ATXN1: variants seen among roughly 807,000 people sequenced by gnomAD.
The protein encoded by ATXN1 is ataxin 1.
A neutral mutation model predicts 56.4 loss-of-function variants in ATXN1; 8 were observed. The observed-to-expected ratio is 0.14, with a 90% CI of 0.08 to 0.26. The LOEUF (loss-of-function observed/expected upper bound fraction) is 0.26, where lower values mean the gene tolerates loss of function less well. Among genes scored for constraint, ATXN1 ranks in the 10% least tolerant of loss-of-function variants. The pLI, the probability that ATXN1 is intolerant of heterozygous loss-of-function variation, is 1.00. For missense variants in ATXN1, 987 were observed against 1,106.5 expected, an observed-to-expected ratio of 0.89 and a Z score of 1.53; for synonymous variants, 514 against 494.6, an observed-to-expected ratio of 1.04 and a Z score of -0.52.
At chr6:16,442,301 C>T (rs949309523) in intron 6 of ATXN1, among the ~76,000 whole-genome samples, 1 of 152,154 alleles carries the variant, frequency 6.6e-6, no homozygotes, top group African/African-American at 2.4e-5. Context: ...CCTTAGTAAT[C>T]TGCAAGGGAG....
At chr6:16,406,064 C>T (rs1581741118) in intron 6 of ATXN1, among the ~76,000 whole-genome samples, 1 of 152,188 alleles carries the variant, frequency 6.6e-6, no homozygotes, top group Admixed American at 6.5e-5. Flanking sequence ...ATTTCTCTTG[C>T]TTTCAATGCA....
At chr6:16,595,191 T>C (rs1416786866) in intron 3 of ATXN1, among the ~76,000 whole-genome samples, 1 of 152,168 alleles carries the variant, frequency 6.6e-6, no homozygotes. Flanking sequence ...GCTGATTAGA[T>C]GGGGGGAAGG....
At chr6:16,422,246 A>G (rs897390590) in intron 6 of ATXN1, among the ~76,000 whole-genome samples, 1 of 152,154 alleles carries the variant, frequency 6.6e-6, no homozygotes, top group Admixed American at 6.6e-5. Flanking sequence ...CGACACACTG[A>G]GCAAATGTTT....
In ATXN1 at chr6:16,554,199, A is replaced by G. The variant is rs115842876; in HGVS notation, c.-360-31511T>C. ...AAAATGATCAACTCCACACAAGAATAATCTACTAATGGTATAACAAGTGAT... is the reference window on the plus strand; with the variant it reads ...AAAATGATCAACTCCACACAAGAATGATCTACTAATGGTATAACAAGTGAT... On this transcript the variant is annotated intron_variant, in intron 4 of 7. Coordinates refer to ENST00000436367, the MANE Select transcript of ATXN1 (RefSeq NM_001128164.2). 6.5e-3 allele frequency among the ~76,000 whole-genome samples: 991 copies of G among 152,362 alleles called. 6 individuals carry two copies. Among genetic ancestry groups the G allele is most frequent in the Non-Finnish European group, 0.01 (700 of 68,026 alleles).
intron 2 of ATXN1, among the ~76,000 whole-genome samples, chr6:16,736,581 T>A (rs1760141954): frequency 6.6e-6 from 1 of 152,234 alleles, no homozygotes; most frequent in Admixed American, 6.5e-5. Context: ...TTTTATGAGA[T>A]ACTGATTACT....
chr6:16,314,661 G>A (rs1304091330), intron 7 of ATXN1, among the ~76,000 whole-genome samples: 1 of 151,896 alleles, frequency 6.6e-6, no homozygotes, highest in Non-Finnish European at 1.5e-5. Flanking sequence ...TGTTGCCCAG[G>A]CTGGAATGTA....
rs1053207535 is a variant in ATXN1 at position 16,542,774 on chromosome 6, T to C, written c.-360-20086A>G. On this transcript the variant is annotated intron_variant, in intron 4 of 7. Coordinates refer to ENST00000436367, the MANE Select transcript of ATXN1 (RefSeq NM_001128164.2). ...CTTTATGTATATCTACTATGTTTTTTCCTATACATATACACCCATGATAGA... is the reference window on the plus strand; with the variant it reads ...CTTTATGTATATCTACTATGTTTTTCCCTATACATATACACCCATGATAGA... Among the ~76,000 whole-genome samples the C allele has an allele frequency of 3.2e-4, 48 of 152,232 alleles. 1 individual carries two copies. The highest frequency in any genetic ancestry group is 2.9e-5 in the Non-Finnish European group (2 of 68,040).
chr6:16,547,538 T>TG (rs1761836385), intron 4 of ATXN1, among the ~76,000 whole-genome samples: 2 of 152,226 alleles, frequency 1.3e-5, no homozygotes, highest in South Asian at 4.1e-4. Flanking sequence ...TACCACAGAC[T>TG]GGGGGGCTTC....
At chr6:16,657,102 G>C (rs1758220066) in intron 3 of ATXN1, among the ~76,000 whole-genome samples, 2 of 70,208 alleles carry the variant, frequency 2.8e-5, no homozygotes, top group Non-Finnish European at 4.8e-5. Flanking sequence ...TGCTGCCTCA[G>C]CCTCCCAAGT....
chr6:16,543,652 A>AAAAAAG (rs535769427), intron 4 of ATXN1, among the ~76,000 whole-genome samples: 1 of 143,558 alleles, frequency 7.0e-6, no homozygotes. Context: ...AAAAAAAAAA[A>AAAAAAG]AGAGAGAGAG....
chr6:16,515,818 G>C (rs2299089), intron 5 of ATXN1, among the ~76,000 whole-genome samples: 21,651 of 152,200 alleles, frequency 0.14, 2,384 homozygotes, highest in East Asian at 0.52. Context: ...AGCGGATGCA[G>C]GAGGGGGATG....
intron 4 of ATXN1, among the ~76,000 whole-genome samples, chr6:16,532,432 G>A (rs900354071): frequency 6.6e-6 from 1 of 152,090 alleles, no homozygotes; most frequent in East Asian, 1.9e-4. Context: ...AAGGGAACAG[G>A]CTGCCCCATG....
At chr6:16,467,310 A>T (rs1161620325) in intron 6 of ATXN1, among the ~76,000 whole-genome samples, 1 of 152,274 alleles carries the variant, frequency 6.6e-6, no homozygotes, top group Non-Finnish European at 1.5e-5. Flanking sequence ...CAAATTATGT[A>T]TGAAGAGGAT....
intron 6 of ATXN1, among the ~76,000 whole-genome samples, chr6:16,377,063 T>A (rs1762154418): frequency 6.6e-6 from 1 of 152,174 alleles, no homozygotes; most frequent in Admixed American, 6.5e-5. Context: ...TGCCCATCTA[T>A]AAGGGACCCC....
At chr6:16,632,210 C>T (rs1467469266) in intron 3 of ATXN1, among the ~76,000 whole-genome samples, 1 of 152,136 alleles carries the variant, frequency 6.6e-6, no homozygotes, top group Non-Finnish European at 1.5e-5. Flanking sequence ...CCACTGGCAC[C>T]ATGTTCCGCA....
At position 16,357,271 on chromosome 6, in the gene ATXN1, A is replaced by T. The variant is rs201183368; in HGVS notation, c.-160-28801T>A. On this transcript the variant is annotated intron_variant, in intron 6 of 7. Coordinates refer to ENST00000436367, the MANE Select transcript of ATXN1 (RefSeq NM_001128164.2). ...TATTTTATTTTATTTATTTTATTTT[A>T]TTTTTTTTTGCTTTTTGAGACGCAG... Among the ~76,000 whole-genome samples, 320 of 117,958 alleles carry T rather than the reference A, an allele frequency of 2.7e-3. 1 individual carries two copies. The highest frequency in any genetic ancestry group is 5.3e-3 in the African/African-American group (115 of 21,734). The allele number at this position is 117,958 out of a possible 152,430, so 77.4% of individuals were successfully genotyped here. A position where few individuals can be genotyped will look rare whatever the true frequency, so the allele number is the denominator to read the frequency against.
At chr6:16,671,335 AACAG>A (rs1758537936) in intron 2 of ATXN1, among the ~76,000 whole-genome samples, 1 of 149,134 alleles carries the variant, frequency 6.7e-6, no homozygotes, top group Non-Finnish European at 1.5e-5. Flanking sequence ...GCAGTAACGT[AACAG>A]AATAAGAGAA....
intron 6 of ATXN1, among the ~76,000 whole-genome samples, chr6:16,407,975 T>C (rs1025620986): frequency 6.6e-6 from 1 of 152,208 alleles, no homozygotes; most frequent in Admixed American, 6.5e-5. Context: ...AGGAAGGAAC[T>C]GACCCAGAGT....
intron 3 of ATXN1, among the ~76,000 whole-genome samples, chr6:16,650,379 TA>T (rs1362108471): frequency 6.6e-6 from 1 of 152,202 alleles, no homozygotes; most frequent in African/African-American, 2.4e-5. Context: ...TCCTTTCAAT[TA>T]TTCATTTTAC....
Sources: gnomAD v4.1 joint callset for allele counts (sites outside exome capture counted in the v4.1 genomes callset) on GRCh38, gnomAD v4.1.1 for gene constraint, MANE v1.5 for transcripts, NCBI Gene and HGNC (gene_info 2026-07-23, HGNC 2026-07-21) for gene names.